The following PNRC1 variants were observed in gnomAD, a reference collection of about 807,000 sequenced individuals.
PNRC1 encodes proline rich nuclear receptor coactivator 1.
PNRC1 carries 6 observed loss-of-function variants against 20.2 expected under a neutral mutation model. The ratio of observed to expected loss-of-function variants is 0.30; its 90% confidence interval spans 0.16 to 0.59. PNRC1 has a LOEUF of 0.59. Ranked by LOEUF, PNRC1 falls within the 20% of genes least tolerant of loss-of-function variation. The probability of loss-of-function intolerance (pLI) is 0.89; values close to 1 mark genes in which losing one functional copy is unlikely to be tolerated. For synonymous variants in PNRC1, 202 were observed against 186.9 expected, an observed-to-expected ratio of 1.08 and a Z score of -0.66; for missense variants, 488 against 430.2, an observed-to-expected ratio of 1.13 and a Z score of -1.19.
At position 89,084,235 on chromosome 6, in the gene PNRC1, C is replaced by T. The variant is rs779445312; in HGVS notation, c.*39C>T. 1.4e-6 allele frequency: 2 copies of T among 1,418,806 alleles called. No homozygotes were observed. Among genetic ancestry groups the T allele is most frequent in the African/African-American group, 2.9e-5 (2 of 69,542 alleles). The allele number at this position is 1,418,806 out of a possible 1,614,324, so 87.9% of individuals were successfully genotyped here. The stretch of plus-strand genomic sequence containing the variant: ...GTATGTGTGTAAAACATAATTTTTC[C>T]CATATCCCTGGACTCTTGAGAAAAT... On this transcript the variant is annotated 3_prime_UTR_variant, in exon 2 of 2. Coordinates refer to ENST00000336032, the MANE Select transcript of PNRC1 (RefSeq NM_006813.3).
At position 89,080,771 on chromosome 6, in the gene PNRC1, C is replaced by A. The variant is rs565509667; in HGVS notation, c.-124C>A. Reference sequence around the variant, plus strand: ...TATTTGTTGCTGCGCCGCCACCGCCCGAGTCATGTTCCGCGATCTTCTCAG... The same window carrying A: ...TATTTGTTGCTGCGCCGCCACCGCCAGAGTCATGTTCCGCGATCTTCTCAG... On this transcript the variant is annotated 5_prime_UTR_variant, in exon 1 of 2. Transcript: ENST00000336032. 11 of 910,220 alleles carry A rather than the reference C, an allele frequency of 1.2e-5. No individual in the cohort carries two copies. The highest frequency in any genetic ancestry group is 4.5e-4 in the Middle Eastern group (2 of 4,452). The allele number at this position is 910,220 out of a possible 1,614,324, so 56.4% of individuals were successfully genotyped here.
Position 89,080,932 on chromosome 6 carries a change from T to A in PNRC1, c.38T>A (p.Val13Asp). ...VVSVPQREPL[V>D]LGGRLAPLGF... ...TCCGTCCCGCAGCGGGAGCCGCTCGTCCTGGGTGGCCGCCTTGCGCCGCTT... is the reference window on the plus strand; with the variant it reads ...TCCGTCCCGCAGCGGGAGCCGCTCGACCTGGGTGGCCGCCTTGCGCCGCTT... Residue 13 changes from valine (V) to aspartate (D), a missense_variant, in exon 1 of 2, where the codon GTC (valine) becomes GAC (aspartate). By Grantham distance (152) the Val-to-Asp change is radical. Transcript: ENST00000336032. The A allele has an allele frequency of 1.2e-6, 2 of 1,612,976 alleles. No individual in the cohort carries two copies. The highest frequency in any genetic ancestry group is 1.7e-6 in the Non-Finnish European group (2 of 1,180,006).
At chr6:89,083,152 C>A (rs1768041125) in intron 1 of PNRC1, among the ~76,000 whole-genome samples, 1 of 152,082 alleles carries the variant, frequency 6.6e-6, no homozygotes, top group Non-Finnish European at 1.5e-5. Context: ...TGTTACCACG[C>A]CGGGCTGATT....
At chr6:89,082,204 C>A (rs796645420) in intron 1 of PNRC1, 32 of 152,298 alleles carry the variant, frequency 2.1e-4, no homozygotes, top group African/African-American at 7.5e-4. Context: ...ATTGACTTAG[C>A]CCGTCTGATT....
intron 1 of PNRC1, 96 bp downstream of exon 1, chr6:89,081,530 TG>T (rs1767994635): frequency 3.0e-4 from 2 of 6,680 alleles, no homozygotes; most frequent in African/African-American, 1.3e-3. Context: ...GTCGGGCGGG[TG>T]GGGGCGGGGT....
At position 89,084,259 on chromosome 6, in the gene PNRC1, AT is replaced by A. The variant is rs1768066992; in HGVS notation, c.*65del. On this transcript the variant is annotated 3_prime_UTR_variant, in exon 2 of 2. Transcript: ENST00000336032. Reference sequence around the variant, plus strand: ...CCCATATCCCTGGACTCTTGAGAAAATTGGTACAGAAATGGAAATTTGCCTT... The same window carrying A: ...CCCATATCCCTGGACTCTTGAGAAAATGGTACAGAAATGGAAATTTGCCTT... 3.4e-6 allele frequency: 4 copies of A among 1,182,084 alleles called. No homozygotes were observed. The highest frequency in any genetic ancestry group is 2.8e-5 in the Admixed American group (1 of 36,132). 73.2% of individuals were successfully genotyped at this position (1,182,084 alleles called of 1,614,324 possible).
rs1767966708 is a variant in PNRC1 at position 89,080,944 on chromosome 6, G to A, written c.50G>A (p.Arg17His). ...CGGGAGCCGCTCGTCCTGGGTGGCC[G>A]CCTTGCGCCGCTTGGCTTTTCCTCC... The part of the protein sequence containing the change: ...PQREPLVLGG[R>H]LAPLGFSSRG... The change falls in exon 1 of 2, where the codon CGC (arginine) becomes CAC (histidine). Residue 17 changes from arginine to histidine, a missense_variant. Arg to His is a conservative substitution (Grantham distance 29, BLOSUM62 0). Transcript: ENST00000336032. The A allele has an allele frequency of 6.2e-7, 1 of 1,613,054 alleles. No homozygotes were observed. Among genetic ancestry groups the A allele is most frequent in the Non-Finnish European group, 8.5e-7 (1 of 1,180,004 alleles).
At position 89,080,938 on chromosome 6, in the gene PNRC1, G is replaced by C. The variant is rs1767966561; in HGVS notation, c.44G>C (p.Gly15Ala). The C allele has an allele frequency of 6.2e-7, 1 of 1,612,940 alleles. No individual in the cohort carries two copies. The highest frequency in any genetic ancestry group is 1.7e-5 in the Admixed American group (1 of 60,016). Residue 15 changes from glycine (G) to alanine (A), a missense_variant, in exon 1 of 2, where the codon GGT becomes GCT. Coordinates refer to ENST00000336032, the MANE Select transcript of PNRC1 (RefSeq NM_006813.3). The stretch of plus-strand genomic sequence containing the variant: ...CCGCAGCGGGAGCCGCTCGTCCTGG[G>C]TGGCCGCCTTGCGCCGCTTGGCTTT... ...SVPQREPLVL[G>A]GRLAPLGFSS...
In PNRC1 at chr6:89,081,379, C is replaced by A; in HGVS notation, c.485C>A (p.Pro162His). ...GCAGCCGGCACGGAGGGAGCCAGCC[C>A]CGACCTTGCCCCGCTGCGGCCCGCG... ...AAAAGTEGAS[P>H]DLAPLRPAAP... The change falls in exon 1 of 2, where the codon CCC becomes CAC. Residue 162 changes from proline (P) to histidine (H), a missense_variant. By Grantham distance (77) the Pro-to-His change is moderately conservative (BLOSUM62 -2). Coordinates refer to ENST00000336032, the MANE Select transcript of PNRC1 (RefSeq NM_006813.3). The A allele has an allele frequency of 7.3e-7, 1 of 1,373,854 alleles. No individual in the cohort carries two copies. Among genetic ancestry groups the A allele is most frequent in the South Asian group, 1.7e-5 (1 of 59,042 alleles). 85.1% of individuals were successfully genotyped at this position (1,373,854 alleles called of 1,614,324 possible).
intron 1 of PNRC1, chr6:89,081,858 TG>T (rs1471922971): frequency 6.5e-6 from 1 of 153,082 alleles, no homozygotes; most frequent in Non-Finnish European, 1.5e-5. Context: ...TGGGGGCAGC[TG>T]GGGAAGGACT....
rs1768061339 is a variant in PNRC1, at chr6:89,084,067, T to G, written c.855T>G (p.Ser285Arg). The G allele has an allele frequency of 1.2e-6, 2 of 1,614,186 alleles. No homozygotes were observed. Among genetic ancestry groups the G allele is most frequent in the African/African-American group, 2.7e-5 (2 of 75,064 alleles). ...QKENYAGAKF[S>R]DPPSPSVLPK... is the part of the protein sequence containing the mutation. ...AAAATTATGCTGGGGCAAAGTTTAG[T>G]GATCCACCTTCTCCTAGTGTTCTTC... is the stretch of plus-strand genomic sequence containing the variant. Residue 285 changes from serine (S) to arginine (R), a missense_variant, in exon 2 of 2, where the codon AGT becomes AGG. By Grantham distance (110) the Ser-to-Arg change is moderately radical (BLOSUM62 -1). Transcript: ENST00000336032.
rs1768079052 is a variant in PNRC1 at position 89,084,674 on chromosome 6, TTTG to T, written c.*480_*482del. Reference sequence around the variant, plus strand: ...CATGGGGTTTGTTTCTCTAAATTGATTTGTAATCTGAAATTACTGAACAACTCC... The same window carrying T: ...CATGGGGTTTGTTTCTCTAAATTGATTAATCTGAAATTACTGAACAACTCC... On this transcript the variant is annotated 3_prime_UTR_variant, in exon 2 of 2. Transcript: ENST00000336032. The T allele has an allele frequency of 1.3e-5, 2 of 152,824 alleles. No individual in the cohort carries two copies. The highest frequency in any genetic ancestry group is 1.3e-4 in the Admixed American group (2 of 15,288). The allele number at this position is 152,824 out of a possible 1,614,324, so 9.5% of individuals were successfully genotyped here.
chr6:89,083,716 A>G, intron 1 of PNRC1, 37 bp from the exon 2 acceptor site: 1 of 1,461,532 alleles, frequency 6.8e-7, no homozygotes, highest in Non-Finnish European at 9.3e-7. Flanking sequence ...ATTTTTATCT[A>G]GAAACTATAT....
rs754598018 is a variant in PNRC1 at position 89,080,997 on chromosome 6, G to A, written c.103G>A (p.Val35Met). The A allele has an allele frequency of 6.2e-7, 1 of 1,613,012 alleles. No homozygotes were observed. The highest frequency in any genetic ancestry group is 8.5e-7 in the Non-Finnish European group (1 of 1,179,958). Residue 35 changes from valine (V) to methionine (M), a missense_variant, in exon 1 of 2, where the codon GTG (valine) becomes ATG (methionine). Physicochemically the swap from Val to Met is conservative, Grantham distance 21. Transcript: ENST00000336032. ...SRGYFGALPMVTTAPPPLPRI... is the reference protein window; with the variant it reads ...SRGYFGALPMMTTAPPPLPRI... ...AGGTTACTTTGGGGCCCTCCCGATG[G>A]TGACCACGGCTCCGCCTCCTTTACC...
At position 89,081,175 on chromosome 6, in the gene PNRC1, C is replaced by A. The variant is rs774191730; in HGVS notation, c.281C>A (p.Pro94Gln). The A allele has an allele frequency of 6.3e-7, 1 of 1,590,114 alleles. No homozygotes were observed. Among genetic ancestry groups the A allele is most frequent in the Non-Finnish European group, 8.5e-7 (1 of 1,174,364 alleles). ...AVAGGTPRAA[P>Q]KKRRKKKVRA... ...GCGGGAGGCACTCCTCGGGCAGCGC[C>A]GAAGAAGCGGCGAAAGAAGAAGGTG... The change falls in exon 1 of 2, where the codon CCG becomes CAG. Residue 94 changes from proline (P) to glutamine (Q), a missense_variant. By Grantham distance (76) the Pro-to-Gln change is moderately conservative. Coordinates refer to ENST00000336032, the MANE Select transcript of PNRC1 (RefSeq NM_006813.3).
chr6:89,081,387 GC>G lies in PNRC1; in HGVS notation c.497del (p.Pro166ArgfsTer17). On this transcript the variant is annotated frameshift_variant, in exon 1 of 2. Transcript: ENST00000336032. LOFTEE classifies it high-confidence loss of function. ...CACGGAGGGAGCCAGCCCCGACCTT[GC>G]CCCGCTGCGGCCCGCGGCTCCCGGC... ...AGTEGASPDL[A>X]PLRPAAPGQT... 1 of 1,364,480 alleles carries G rather than the reference GC, an allele frequency of 7.3e-7. No individual in the cohort carries two copies. Among genetic ancestry groups the G allele is most frequent in the Non-Finnish European group, 9.4e-7 (1 of 1,067,580 alleles). 84.5% of individuals were successfully genotyped at this position (1,364,480 alleles called of 1,614,324 possible).
At position 89,081,286 on chromosome 6, in the gene PNRC1, C is replaced by A; in HGVS notation, c.392C>A (p.Ala131Glu). The A allele has an allele frequency of 6.6e-7, 1 of 1,515,562 alleles. No homozygotes were observed. Among genetic ancestry groups the A allele is most frequent in the Admixed American group, 2.1e-5 (1 of 46,616 alleles). 93.9% of individuals were successfully genotyped at this position (1,515,562 alleles called of 1,614,324 possible). A position where few individuals can be genotyped will look rare whatever the true frequency, so the allele number is the denominator to read the frequency against. Residue 131 changes from alanine (A) to glutamate (E), a missense_variant, in exon 1 of 2, where the codon GCG (alanine) becomes GAG (glutamate). Ala to Glu is a moderately radical substitution (Grantham distance 107). Coordinates refer to ENST00000336032, the MANE Select transcript of PNRC1 (RefSeq NM_006813.3). ...RPSLEGGRSPATGPSGAQEVP... is the reference protein window; with the variant it reads ...RPSLEGGRSPETGPSGAQEVP... ...AGTCTGGAGGGCGGCCGGAGCCCCG[C>A]GACCGGCCCGAGCGGAGCGCAGGAG...
At chr6:89,083,581 C>T (rs1299158230) in intron 1 of PNRC1, among the ~76,000 whole-genome samples, 172 bp from the exon 2 acceptor site, 1 of 152,110 alleles carries the variant, frequency 6.6e-6, no homozygotes, top group Admixed American at 6.5e-5. Context: ...TGCATTAATT[C>T]GTCTAGGGTA....
At position 89,084,033 on chromosome 6, in the gene PNRC1, G is replaced by A. The variant is rs1768060423; in HGVS notation, c.821G>A (p.Ser274Asn). ...AAATCAGCATTTCTAACTGAAGTGAGCCAAAAGGAAAATTATGCTGGGGCA... is the reference window on the plus strand; with the variant it reads ...AAATCAGCATTTCTAACTGAAGTGAACCAAAAGGAAAATTATGCTGGGGCA... ...LKKSAFLTEV[S>N]QKENYAGAKF... The change falls in exon 2 of 2, where the codon AGC becomes AAC. Residue 274 changes from serine to asparagine, a missense_variant. Physicochemically the swap from Ser to Asn is conservative, Grantham distance 46 (BLOSUM62 1). Transcript: ENST00000336032. 2 of 1,613,996 alleles carry A rather than the reference G, an allele frequency of 1.2e-6. No individual in the cohort carries two copies. Among genetic ancestry groups the A allele is most frequent in the Admixed American group, 3.3e-5 (2 of 59,994 alleles).
Sources: allele counts gnomAD v4.1 joint callset (sites outside exome capture counted in the v4.1 genomes callset), GRCh38; gene constraint gnomAD v4.1.1; transcripts MANE v1.5; gene names NCBI Gene and HGNC (gene_info 2026-07-23, HGNC 2026-07-21).